The following C10orf53 variants were observed in gnomAD, a reference collection of about 807,000 sequenced individuals.
The protein encoded by C10orf53 is UPF0728 protein C10orf53.
C10orf53 carries 8 observed loss-of-function variants against 9.4 expected under a neutral mutation model. That is an observed-to-expected ratio of 0.85 (90% CI 0.50 to 1.53). The LOEUF (loss-of-function observed/expected upper bound fraction) is 1.53, where lower values mean the gene tolerates loss of function less well. Among genes scored for constraint, C10orf53 ranks in the 40% most tolerant of loss-of-function variants. The pLI, the probability that C10orf53 is intolerant of heterozygous loss-of-function variation, is 0.00. For synonymous variants in C10orf53, 48 were observed against 46.0 expected (o/e 1.04, Z -0.18); for missense variants, 117 against 117.8 (o/e 0.99, Z 0.03).
intron 1 of C10orf53, among the ~76,000 whole-genome samples, chr10:49,681,070 T>G (rs374445199): frequency 6.6e-6 from 1 of 152,242 alleles, no homozygotes; most frequent in African/African-American, 2.4e-5. Flanking sequence ...TTCCACTTTA[T>G]GATGGGCTTA....
downstream of C10orf53, among the ~76,000 whole-genome samples, chr10:49,701,731 C>T (rs1840684798): frequency 6.6e-6 from 1 of 152,166 alleles, no homozygotes. Flanking sequence ...CCACCACTCC[C>T]ACCCCCATGG....
At chr10:49,708,520 G>A (rs765021274) in exon 3 of C10orf53, 4 of 1,614,196 alleles carry the variant, frequency 2.5e-6, no homozygotes, top group Admixed American at 3.3e-5. Context: ...ATTGGATCAT[G>A]TATCCATTTC....
chr10:49,680,469 T>G (rs565500895), intron 1 of C10orf53, among the ~76,000 whole-genome samples: 1 of 152,374 alleles, frequency 6.6e-6, no homozygotes, highest in East Asian at 1.9e-4. Context: ...AAGAGAGGAA[T>G]GCCTTCCAGG....
At chr10:49,703,195 C>G (rs191638911) in intron 2 of C10orf53, among the ~76,000 whole-genome samples, 22 of 152,242 alleles carry the variant, frequency 1.4e-4, no homozygotes, top group Middle Eastern at 6.8e-3. Flanking sequence ...TAGATAGGGA[C>G]AGTGAGAATC....
intron 1 of C10orf53, among the ~76,000 whole-genome samples, chr10:49,691,460 T>C (rs1840583058): frequency 1.3e-5 from 2 of 152,186 alleles, no homozygotes; most frequent in Non-Finnish European, 2.9e-5. Flanking sequence ...CACTTGGAGA[T>C]AATTCTGGTC....
chr10:49,690,336 AC>A (rs1276807859), intron 1 of C10orf53, among the ~76,000 whole-genome samples: 1 of 151,874 alleles, frequency 6.6e-6, no homozygotes, highest in Admixed American at 6.6e-5. Context: ...GAGCATCTGC[AC>A]CCCCCCACAA....
At chr10:49,680,014 GC>G (rs1190087385) in intron 1 of C10orf53, among the ~76,000 whole-genome samples, 14 of 152,244 alleles carry the variant, frequency 9.2e-5, no homozygotes, top group African/African-American at 3.4e-4. Flanking sequence ...CCAGTGCCCA[GC>G]AAATTACAGA....
chr10:49,695,209 A>G lies in C10orf53; in HGVS notation c.*607A>G, dbSNP rs1354371073. 1 of 158,734 alleles carries G rather than the reference A, an allele frequency of 6.3e-6. No individual in the cohort carries two copies. The highest frequency in any genetic ancestry group is 2.4e-5 in the African/African-American group (1 of 41,558). The allele number at this position is 158,734 out of a possible 1,614,324, so 9.8% of individuals were successfully genotyped here. On this transcript the variant is annotated 3_prime_UTR_variant, in exon 3 of 3. Transcript: ENST00000374111. ...ATGACCTGCCTTCTTTTGCATTAAT[A>G]TCGTCTGAGGAGGGCGCAAAAGAGT...
exon 3 of C10orf53, chr10:49,708,729 C>A: frequency 6.8e-7 from 1 of 1,473,518 alleles, no homozygotes; most frequent in Non-Finnish European, 9.1e-7. Context: ...AAAAATTGTC[C>A]CACATCTCCC....
chr10:49,682,510 A>T (rs1173415589), intron 1 of C10orf53, among the ~76,000 whole-genome samples: 1 of 151,780 alleles, frequency 6.6e-6, no homozygotes, highest in Non-Finnish European at 1.5e-5. Context: ...GAAGAGTGAA[A>T]GAACAAATCT....
In C10orf53 at chr10:49,680,577, AG is replaced by A. The variant is rs572751471; in HGVS notation, c.97+785del. ...GGGGGATGAGGCTGGAGAGGTAATC[AG>A]GCCAGATCCTGCAGTGCCGCAGATA... On this transcript the variant is annotated intron_variant, in intron 1 of 2. Coordinates refer to ENST00000374111, the MANE Select transcript of C10orf53 (RefSeq NM_001042427.3). 7.9e-5 allele frequency among the ~76,000 whole-genome samples: 12 copies of A among 152,380 alleles called. No homozygotes were observed. The South Asian group carries it at 2.5e-3, about 32-fold the overall frequency.
Position 49,680,813 on chromosome 10 carries a change from C to T in C10orf53, c.97+1019C>T, listed in dbSNP as rs148061476. On this transcript the variant is annotated intron_variant, in intron 1 of 2. Transcript: ENST00000374111. ...AGGTAAGGGTAAAAAGAATGTTATC[C>T]GGATCTAATCAGTGTCTGACTTGAA... Among the ~76,000 whole-genome samples the T allele has an allele frequency of 9.0e-4, 137 of 152,242 alleles. 2 individuals carry two copies. The East Asian group carries it at 0.023, about 26-fold the overall frequency.
chr10:49,693,943 G>T, intron 2 of C10orf53, 50 bp downstream of exon 2: 1 of 1,611,614 alleles, frequency 6.2e-7, no homozygotes. Flanking sequence ...CCTCTGAGGA[G>T]TCCCTCAATT....
At chr10:49,684,644 T>A (rs1368602158) in intron 1 of C10orf53, among the ~76,000 whole-genome samples, 4 of 152,238 alleles carry the variant, frequency 2.6e-5, no homozygotes, top group African/African-American at 9.6e-5. Context: ...CTTTATCTCC[T>A]TTTCAGATCA....
At chr10:49,708,280 A>G in intron 2 of C10orf53, 1 of 1,558,852 alleles carries the variant, frequency 6.4e-7, no homozygotes, top group Non-Finnish European at 8.7e-7. Context: ...GCATAGGTGA[A>G]TATGAGTGTT....
intron 1 of C10orf53, among the ~76,000 whole-genome samples, chr10:49,691,652 T>C (rs1840585156): frequency 6.6e-6 from 1 of 152,206 alleles, no homozygotes. Flanking sequence ...AGTGATTCGG[T>C]GGATCAATTC....
intron 1 of C10orf53, among the ~76,000 whole-genome samples, chr10:49,689,140 C>T (rs558211099): frequency 6.6e-6 from 1 of 152,166 alleles, no homozygotes; most frequent in Non-Finnish European, 1.5e-5. Context: ...CCACAGGAGG[C>T]AAGACTGCGG....
At chr10:49,691,098 G>A (rs1840579975) in intron 1 of C10orf53, among the ~76,000 whole-genome samples, 1 of 152,198 alleles carries the variant, frequency 6.6e-6, no homozygotes, top group Non-Finnish European at 1.5e-5. Flanking sequence ...TTTGTTTCAG[G>A]GAGTATATTT....
Position 49,690,093 on chromosome 10 carries a change from AAC to A in C10orf53, c.98-3677_98-3676del, listed in dbSNP as rs1296961761. ...TCCCTGCAGGAGGTGAGCGGGTGGAAACACAGCAAAAAGCGAAGGCAGCAGGC... is the reference window on the plus strand; with the variant it reads ...TCCCTGCAGGAGGTGAGCGGGTGGAAACAGCAAAAAGCGAAGGCAGCAGGC... On this transcript the variant is annotated intron_variant, in intron 1 of 2. Coordinates refer to ENST00000374111, the MANE Select transcript of C10orf53 (RefSeq NM_001042427.3). Among the ~76,000 whole-genome samples, 16 of 152,254 alleles carry A rather than the reference AAC, an allele frequency of 1.1e-4. No homozygotes were observed. The East Asian group carries it at 2.9e-3, about 28-fold the overall frequency.
Sources: allele counts gnomAD v4.1 joint callset (sites outside exome capture counted in the v4.1 genomes callset), GRCh38; gene constraint gnomAD v4.1.1; transcripts MANE v1.5; gene names NCBI Gene and HGNC (gene_info 2026-07-23, HGNC 2026-07-21).